Variants in ATRNL1 observed in about 807,000 individuals in gnomAD.
ATRNL1 encodes the protein attractin-like protein 1.
Under a neutral mutation model 182.7 loss-of-function variants are expected in ATRNL1, and 95 were observed. The observed-to-expected ratio is 0.52, with a 90% CI of 0.44 to 0.62. ATRNL1 has a LOEUF of 0.62. Ranked by LOEUF, ATRNL1 falls within the 20% of genes least tolerant of loss-of-function variation. ATRNL1 has a pLI of 0.00. For synonymous variants in ATRNL1, 576 were observed against 568.3 expected (o/e 1.01, Z -0.19); for missense variants, 1,471 against 1,679.5 (o/e 0.88, Z 2.17).
chr10:115,391,809 A>G (rs1016875273), intron 19 of ATRNL1, among the ~76,000 whole-genome samples: 1 of 151,556 alleles, frequency 6.6e-6, no homozygotes, highest in Non-Finnish European at 1.5e-5. Context: ...TTTAATCCAG[A>G]TATATGGGGG....
At position 115,799,776 on chromosome 10, in the gene ATRNL1, G is replaced by A. The variant is rs1230775835; in HGVS notation, c.3904-48101G>A. 3.3e-5 allele frequency among the ~76,000 whole-genome samples: 5 copies of A among 152,242 alleles called. No individual in the cohort carries two copies. In the East Asian group the frequency reaches 9.6e-4, roughly 29 times the overall value. ...CTACATTTTACACAGCTGAATTTCT[G>A]GGGCACTACTTATTGCATTATGGCA... On this transcript the variant is annotated intron_variant, in intron 27 of 28. Transcript: ENST00000355044.
chr10:115,878,908 G>A (rs1006236270), intron 28 of ATRNL1, among the ~76,000 whole-genome samples: 37 of 152,076 alleles, frequency 2.4e-4, no homozygotes, highest in Admixed American at 9.2e-4. Flanking sequence ...TCCAGTGGTA[G>A]GGATCAGAAA....
At chr10:115,574,026 C>G (rs1481879856) in intron 26 of ATRNL1, among the ~76,000 whole-genome samples, 1 of 152,060 alleles carries the variant, frequency 6.6e-6, no homozygotes, top group Non-Finnish European at 1.5e-5. Flanking sequence ...CTTCTGTAAA[C>G]CACTTAAAGC....
intron 19 of ATRNL1, among the ~76,000 whole-genome samples, chr10:115,392,668 A>G (rs1484523873): frequency 1.3e-5 from 2 of 152,172 alleles, no homozygotes; most frequent in African/African-American, 4.8e-5. Flanking sequence ...TGAGAGATGC[A>G]CAATGGCTGA....
chr10:115,219,770 G>A (rs1368472717), intron 9 of ATRNL1, among the ~76,000 whole-genome samples: 8 of 152,046 alleles, frequency 5.3e-5, no homozygotes, highest in Non-Finnish European at 2.9e-5. Flanking sequence ...AGGCATGATG[G>A]CACACACCTG....
At chr10:115,737,458 C>T (rs1947991171) in intron 27 of ATRNL1, among the ~76,000 whole-genome samples, 4 of 151,532 alleles carry the variant, frequency 2.6e-5, no homozygotes, top group African/African-American at 4.8e-5. Context: ...GAAAAGTATA[C>T]TTCATTAAGC....
chr10:115,716,402 G>A (rs1302119179), intron 26 of ATRNL1, among the ~76,000 whole-genome samples: 1 of 152,084 alleles, frequency 6.6e-6, no homozygotes, highest in Non-Finnish European at 1.5e-5. Context: ...ACGTATCCAG[G>A]AAGATTTAAG....
At chr10:115,552,211 A>G (rs1472819716) in intron 26 of ATRNL1, among the ~76,000 whole-genome samples, 1 of 151,356 alleles carries the variant, frequency 6.6e-6, no homozygotes, top group African/African-American at 2.4e-5. Flanking sequence ...TAGTTATGTG[A>G]TAATTCCATT....
At chr10:115,365,443 G>C (rs1438139004) in intron 19 of ATRNL1, among the ~76,000 whole-genome samples, 3 of 151,688 alleles carry the variant, frequency 2.0e-5, no homozygotes, top group Non-Finnish European at 2.9e-5. Context: ...AGCGGTCTAT[G>C]AATTTTGTTG....
chr10:115,923,028 A>G (rs1555119067), intron 28 of ATRNL1, among the ~76,000 whole-genome samples: 1 of 152,188 alleles, frequency 6.6e-6, no homozygotes, highest in Non-Finnish European at 1.5e-5. Flanking sequence ...AACGTAATGT[A>G]TGCATCTCAA....
chr10:115,798,618 C>T (rs997614911), intron 27 of ATRNL1, among the ~76,000 whole-genome samples: 1 of 152,178 alleles, frequency 6.6e-6, no homozygotes, highest in African/African-American at 2.4e-5. Context: ...ATCTACACCT[C>T]CATGCCTTTG....
intron 28 of ATRNL1, among the ~76,000 whole-genome samples, chr10:115,850,464 G>A (rs936378971): frequency 6.6e-6 from 1 of 152,086 alleles, no homozygotes; most frequent in African/African-American, 2.4e-5. Flanking sequence ...TTTAGTGTAT[G>A]CACAGCCAAT....
chr10:115,766,517 T>A (rs1472697325), intron 27 of ATRNL1, among the ~76,000 whole-genome samples: 1 of 152,184 alleles, frequency 6.6e-6, no homozygotes, highest in Admixed American at 6.5e-5. Flanking sequence ...TAGGAAACAG[T>A]TCACTCTGAA....
At chr10:115,534,235 G>A (rs1449604012) in intron 25 of ATRNL1, among the ~76,000 whole-genome samples, 13 of 150,972 alleles carry the variant, frequency 8.6e-5, no homozygotes, top group South Asian at 2.1e-4. Flanking sequence ...TTGTGTGGGA[G>A]TCTAAGTCTC....
chr10:115,220,700 G>A (rs1374634073), intron 9 of ATRNL1, among the ~76,000 whole-genome samples: 2 of 118,694 alleles, frequency 1.7e-5, no homozygotes, highest in Non-Finnish European at 3.3e-5. Flanking sequence ...AAAGAGGTGT[G>A]GACAGAAATG....
At chr10:115,885,841 G>A (rs1340133108) in intron 28 of ATRNL1, among the ~76,000 whole-genome samples, 1 of 152,112 alleles carries the variant, frequency 6.6e-6, no homozygotes, top group African/African-American at 2.4e-5. Context: ...AACCAGTTTT[G>A]ATGGACGTTT....
intron 24 of ATRNL1, among the ~76,000 whole-genome samples, chr10:115,470,480 C>A (rs535592079): frequency 6.6e-6 from 1 of 150,408 alleles, no homozygotes; most frequent in East Asian, 1.9e-4. Flanking sequence ...AAATATTTAT[C>A]AAATTTCACT....
chr10:115,469,395 C>G (rs1234625165), intron 24 of ATRNL1, 66 bp downstream of exon 24: 1 of 1,061,092 alleles, frequency 9.4e-7, no homozygotes, highest in Non-Finnish European at 1.3e-6. Context: ...GTGCTTTTGT[C>G]CAAAGTGATG....
intron 26 of ATRNL1, among the ~76,000 whole-genome samples, chr10:115,598,235 A>G (rs10787581): frequency 0.97 from 145,790 of 149,874 alleles, 71,072 homozygotes; most frequent in East Asian, 1. Context: ...TGGTGTGAGC[A>G]TATAACTATA....
Sources: gnomAD v4.1 joint callset for allele counts (sites outside exome capture counted in the v4.1 genomes callset) on GRCh38, gnomAD v4.1.1 for gene constraint, MANE v1.5 for transcripts, NCBI Gene and HGNC (gene_info 2026-07-23, HGNC 2026-07-21) for gene names.